LIN52: variants seen among roughly 807,000 people sequenced by gnomAD.
LIN52 encodes the protein protein lin-52 homolog.
Under a neutral mutation model 18.5 loss-of-function variants are expected in LIN52, and 4 were observed. The observed-to-expected ratio is 0.22, with a 90% CI of 0.11 to 0.49. LIN52 has a LOEUF of 0.49. Ranked by LOEUF, LIN52 falls within the 20% of genes least tolerant of loss-of-function variation. The pLI is 0.97. For synonymous variants in LIN52, 34 were observed against 45.5 expected (o/e 0.75, Z 1.02); for missense variants, 102 against 139.5 (o/e 0.73, Z 1.35).
chr14:74,155,631 C>A (rs4903195), intron 5 of LIN52, among the ~76,000 whole-genome samples: 4 of 152,102 alleles, frequency 2.6e-5, no homozygotes, highest in Non-Finnish European at 5.9e-5. Flanking sequence ...GATTAGACTC[C>A]GTCGTAGTAG....
At chr14:74,162,947 T>C (rs550439646) in intron 5 of LIN52, among the ~76,000 whole-genome samples, 1 of 152,224 alleles carries the variant, frequency 6.6e-6, no homozygotes, top group Non-Finnish European at 1.5e-5. Context: ...TATTACAGAA[T>C]AGGACTATAC....
At position 74,088,911 on chromosome 14, in the gene LIN52, T is replaced by G. The variant is rs28628822; in HGVS notation, c.20-2321T>G. Among the ~76,000 whole-genome samples the G allele has an allele frequency of 9.2e-3, 1,405 of 152,282 alleles. 22 individuals are homozygous for G. The highest frequency in any genetic ancestry group is 0.032 in the African/African-American group (1,316 of 41,556). On this transcript the variant is annotated intron_variant, in intron 1 of 5. Coordinates refer to ENST00000555028, the MANE Select transcript of LIN52 (RefSeq NM_001024674.3). ...CAAGGGAAGAGTGGAAGAGAAATGA[T>G]GTCAAAGAATTAGGTAGAGGCTGAG...
At chr14:74,125,974 CA>C (rs1173160087) in intron 5 of LIN52, among the ~76,000 whole-genome samples, 2 of 150,064 alleles carry the variant, frequency 1.3e-5, no homozygotes, top group African/African-American at 4.9e-5. Context: ...ACCAACATGG[CA>C]CATGTATACA....
chr14:74,172,815 G>T (rs1475038854), intron 5 of LIN52, among the ~76,000 whole-genome samples: 1 of 152,224 alleles, frequency 6.6e-6, no homozygotes, highest in African/African-American at 2.4e-5. Flanking sequence ...TGTAACTAGT[G>T]TGGTGATTAT....
At chr14:74,122,521 C>A (rs1180009408) in intron 5 of LIN52, among the ~76,000 whole-genome samples, 1 of 152,112 alleles carries the variant, frequency 6.6e-6, no homozygotes, top group Non-Finnish European at 1.5e-5. Context: ...GAAAATTTCA[C>A]TGGACACTTG....
chr14:74,183,017 A>G (rs1020391512), intron 5 of LIN52, among the ~76,000 whole-genome samples: 2 of 151,964 alleles, frequency 1.3e-5, no homozygotes, highest in African/African-American at 4.8e-5. Flanking sequence ...TCTTGGTTGT[A>G]TGTAATTTGT....
intron 5 of LIN52, chr14:74,192,876 A>G (rs2078887923): frequency 6.3e-6 from 1 of 158,348 alleles, no homozygotes; most frequent in Non-Finnish European, 1.4e-5. Flanking sequence ...CAGACCAGGA[A>G]TACATTCTCA....
intron 5 of LIN52, among the ~76,000 whole-genome samples, chr14:74,119,566 T>C (rs2060986679): frequency 6.6e-6 from 1 of 152,196 alleles, no homozygotes; most frequent in Non-Finnish European, 1.5e-5. Flanking sequence ...ATATTAATAG[T>C]TTTCCAAAGT....
chr14:74,171,755 T>C (rs1188840433), intron 5 of LIN52, among the ~76,000 whole-genome samples: 5 of 124,498 alleles, frequency 4.0e-5, no homozygotes, highest in Non-Finnish European at 8.8e-5. Flanking sequence ...TTTTTTTTTT[T>C]TGAGACAGAG....
chr14:74,191,129 C>T (rs1203265151), intron 5 of LIN52, among the ~76,000 whole-genome samples: 5 of 152,238 alleles, frequency 3.3e-5, no homozygotes. Context: ...ACCAGCTCTG[C>T]GCCAGAGCCA....
At position 74,156,770 on chromosome 14, in the gene LIN52, T is replaced by C. The variant is rs2061200549; in HGVS notation, c.284-42152T>C. On this transcript the variant is annotated intron_variant, in intron 5 of 5. Transcript: ENST00000555028. ...TCCCCTACCTAGCTGTAATTTTGTA[T>C]CCATTGACCAACCTCTCCCATCTTT... is the stretch of plus-strand genomic sequence containing the variant. Among the ~76,000 whole-genome samples the C allele has an allele frequency of 5.3e-5, 8 of 152,128 alleles. No individual in the cohort carries two copies. The East Asian group carries it at 1.5e-3, about 29-fold the overall frequency.
chr14:74,173,868 T>C (rs1036379446), intron 5 of LIN52, among the ~76,000 whole-genome samples: 9 of 152,208 alleles, frequency 5.9e-5, no homozygotes, highest in Non-Finnish European at 1.3e-4. Context: ...TCCAGACCAT[T>C]GATTAATTAG....
intron 5 of LIN52, among the ~76,000 whole-genome samples, chr14:74,186,914 C>T (rs1052718296): frequency 3.9e-5 from 6 of 152,044 alleles, no homozygotes; most frequent in African/African-American, 1.4e-4. Context: ...CCCCATCTCT[C>T]CTGAAAATAC....
intron 5 of LIN52, among the ~76,000 whole-genome samples, chr14:74,105,386 T>C (rs539736843): frequency 4.2e-4 from 64 of 152,300 alleles, no homozygotes; most frequent in African/African-American, 1.5e-3. Context: ...TACCTCAAAA[T>C]TTGGTGTTCT....
intron 5 of LIN52, among the ~76,000 whole-genome samples, chr14:74,143,978 T>C (rs1444086446): frequency 6.6e-6 from 1 of 152,030 alleles, no homozygotes; most frequent in Non-Finnish European, 1.5e-5. Flanking sequence ...ACTCTGCTTC[T>C]ATGATCTCAA....
chr14:74,199,849 A>G lies in LIN52; in HGVS notation c.*872A>G, dbSNP rs1248588889. 1 of 152,234 alleles carries G rather than the reference A, an allele frequency of 6.6e-6. No individual in the cohort carries two copies. The highest frequency in any genetic ancestry group is 1.5e-5 in the Non-Finnish European group (1 of 68,044). 9.4% of individuals were successfully genotyped at this position (152,234 alleles called of 1,614,324 possible). The stretch of plus-strand genomic sequence containing the variant: ...AGCTAGAAGCCCTAATTGACCTTAA[A>G]GTAACATGCTATGGGATGGTGGGAT... On this transcript the variant is annotated 3_prime_UTR_variant, in exon 6 of 6. Coordinates refer to ENST00000555028, the MANE Select transcript of LIN52 (RefSeq NM_001024674.3).
At chr14:74,165,628 C>T (rs2061246313) in intron 5 of LIN52, among the ~76,000 whole-genome samples, 1 of 150,716 alleles carries the variant, frequency 6.6e-6, no homozygotes, top group East Asian at 2.0e-4. Context: ...CCTGCCTCAG[C>T]TTCCCAAGTA....
At chr14:74,184,626 C>T (rs1053117776) in intron 5 of LIN52, among the ~76,000 whole-genome samples, 4 of 152,108 alleles carry the variant, frequency 2.6e-5, no homozygotes, top group Non-Finnish European at 5.9e-5. Flanking sequence ...AAAATAATAA[C>T]GGTAATGATA....
intron 5 of LIN52, among the ~76,000 whole-genome samples, chr14:74,146,829 C>T (rs2061154038): frequency 6.6e-6 from 1 of 152,082 alleles, no homozygotes; most frequent in Non-Finnish European, 1.5e-5. Context: ...TAAGGATAGC[C>T]ATATAGATCA....
Sources: gnomAD v4.1 joint callset for allele counts (sites outside exome capture counted in the v4.1 genomes callset) on GRCh38, gnomAD v4.1.1 for gene constraint, MANE v1.5 for transcripts, NCBI Gene and HGNC (gene_info 2026-07-23, HGNC 2026-07-21) for gene names.